Variants in KIT observed in about 807,000 individuals in gnomAD.
KIT encodes the protein mast/stem cell growth factor receptor Kit.
Under a neutral mutation model 105.7 loss-of-function variants are expected in KIT, and 16 were observed. That is an observed-to-expected ratio of 0.15 (90% CI 0.10 to 0.23). The LOEUF (loss-of-function observed/expected upper bound fraction) is 0.23. KIT is among the 10% of genes least tolerant of loss of function. The pLI, the probability that KIT is intolerant of heterozygous loss-of-function variation, is 1.00. For synonymous variants in KIT, 438 were observed against 441.1 expected (o/e 0.99, Z 0.09); for missense variants, 858 against 1,213.8 (o/e 0.71, Z 4.36).
chr4:54,720,519 T>G (rs2109751367), intron 7 of KIT, among the ~76,000 whole-genome samples: 1 of 152,326 alleles, frequency 6.6e-6, no homozygotes, highest in Middle Eastern at 3.4e-3. Context: ...CTGTTCCAAT[T>G]TTTTAATTAA....
Position 54,731,882 on chromosome 4 carries a change from G to C in KIT, c.2245G>C (p.Glu749Gln), listed in dbSNP as rs1560421189. The C allele has an allele frequency of 6.2e-7, 1 of 1,613,382 alleles. No individual in the cohort carries two copies. The highest frequency in any genetic ancestry group is 1.1e-5 in the South Asian group (1 of 91,038). The change falls in exon 16 of 21, where the codon GAA becomes CAA. Residue 749 changes from glutamate (E) to glutamine (Q), a missense_variant. By Grantham distance (29) the Glu-to-Gln change is conservative. Around this residue, in one of 7 missense-constraint regions of KIT, gnomAD observed 158 missense variants for 218.7 expected, o/e 0.72. Coordinates refer to ENST00000288135, the MANE Select transcript of KIT (RefSeq NM_000222.3). ...TCTCTTCCTCACAGGCTCATACATA[G>C]AAAGAGATGTGACTCCCGCCATCAT... Reference protein sequence around the residue: ...RRSVRIGSYIERDVTPAIMED... With the variant: ...RRSVRIGSYIQRDVTPAIMED...
chr4:54,735,581 T>C (rs920058898), intron 17 of KIT, among the ~76,000 whole-genome samples: 2 of 152,156 alleles, frequency 1.3e-5, no homozygotes, highest in Non-Finnish European at 2.9e-5. Flanking sequence ...GTACTTGCCT[T>C]TCTTCTAGGC....
At chr4:54,706,217 A>G (rs1216947434) in intron 5 of KIT, among the ~76,000 whole-genome samples, 2 of 132,998 alleles carry the variant, frequency 1.5e-5, no homozygotes, top group African/African-American at 4.9e-5. Flanking sequence ...TAATCAAGGA[A>G]TAGATAATTT....
At chr4:54,685,527 G>T (rs560598964) in intron 1 of KIT, among the ~76,000 whole-genome samples, 70 of 152,038 alleles carry the variant, frequency 4.6e-4, no homozygotes, top group African/African-American at 1.7e-3. Context: ...TTTCTGGGTC[G>T]CTGACTGGTT....
At chr4:54,662,572 AT>A (rs1229941513) in intron 1 of KIT, among the ~76,000 whole-genome samples, 1 of 152,002 alleles carries the variant, frequency 6.6e-6, no homozygotes, top group Non-Finnish European at 1.5e-5. Context: ...TTAGAAAGGC[AT>A]TTTTTTTGTT....
At chr4:54,659,489 G>A (rs948388135) in intron 1 of KIT, among the ~76,000 whole-genome samples, 4 of 152,024 alleles carry the variant, frequency 2.6e-5, no homozygotes, top group Non-Finnish European at 5.9e-5. Flanking sequence ...CGCAATGAAC[G>A]GTTTTGAGAC....
intron 1 of KIT, among the ~76,000 whole-genome samples, chr4:54,678,290 C>CTCCTTCCTTCCTTCCTTCCTTCCTTCCT (rs55800200): frequency 9.8e-6 from 1 of 101,592 alleles, no homozygotes; most frequent in Non-Finnish European, 1.9e-5. Flanking sequence ...GGCTGGCTCG[C>CTCCTTCCTTCCTTCCTTCCTTCCTTCCT]TCCTTCCTTC....
chr4:54,690,806 T>C (rs1420370122), intron 1 of KIT, among the ~76,000 whole-genome samples: 1 of 152,158 alleles, frequency 6.6e-6, no homozygotes, highest in Non-Finnish European at 1.5e-5. Flanking sequence ...CTCTACTCTT[T>C]TAAAAAAAAC....
intron 2 of KIT, among the ~76,000 whole-genome samples, chr4:54,698,004 G>A (rs1382397375): frequency 6.6e-6 from 1 of 152,152 alleles, no homozygotes; most frequent in Non-Finnish European, 1.5e-5. Flanking sequence ...TTTCATCTAT[G>A]AAATGGCAAT....
intron 7 of KIT, among the ~76,000 whole-genome samples, chr4:54,718,977 G>A (rs1409561032): frequency 6.6e-6 from 1 of 152,162 alleles, no homozygotes; most frequent in Non-Finnish European, 1.5e-5. Context: ...TATGGCACAA[G>A]TGTAGGTTTT....
intron 7 of KIT, among the ~76,000 whole-genome samples, chr4:54,710,291 A>G (rs1157157707): frequency 1.3e-5 from 2 of 152,132 alleles, no homozygotes; most frequent in Admixed American, 6.5e-5. Context: ...TGCCTCCCAC[A>G]CCATACCTGC....
At chr4:54,716,710 G>A (rs1176620621) in intron 7 of KIT, among the ~76,000 whole-genome samples, 1 of 152,170 alleles carries the variant, frequency 6.6e-6, no homozygotes, top group Non-Finnish European at 1.5e-5. Context: ...CTGAAATGAT[G>A]TGACTGAATT....
intron 20 of KIT, 51 bp from the exon 21 acceptor site, chr4:54,738,378 C>G (rs1723045961): frequency 6.2e-7 from 1 of 1,606,116 alleles, no homozygotes; most frequent in Non-Finnish European, 8.5e-7. Context: ...CCTTTTGTTG[C>G]TATGTTCGTT....
In KIT at chr4:54,695,610, C is replaced by A. The variant is rs1060504651; in HGVS notation, c.166C>A (p.Leu56Met). The A allele has an allele frequency of 6.2e-7, 1 of 1,614,082 alleles. No homozygotes were observed. The highest frequency in any genetic ancestry group is 8.5e-7 in the Non-Finnish European group (1 of 1,180,044). ...LIVRVGDEIR[L>M]LCTDPGFVKW... is the part of the protein sequence containing the mutation. ...AGTCCGCGTGGGCGACGAGATTAGG[C>A]TGTTATGCACTGATCCGGGCTTTGT... The change falls in exon 2 of 21, where the codon CTG becomes ATG. Residue 56 changes from leucine (L) to methionine (M), a missense_variant. Physicochemically the swap from Leu to Met is conservative, Grantham distance 15. Transcript: ENST00000288135.
chr4:54,737,077 A>G (rs1180899013), intron 19 of KIT, 98 bp from the exon 20 acceptor site: 9 of 813,890 alleles, frequency 1.1e-5, no homozygotes, highest in Non-Finnish European at 1.7e-5. Context: ...GTCCAGTTGC[A>G]TAGCCCTGGA....
At chr4:54,675,045 AATC>A (rs1718372388) in intron 1 of KIT, among the ~76,000 whole-genome samples, 1 of 152,174 alleles carries the variant, frequency 6.6e-6, no homozygotes, top group African/African-American at 2.4e-5. Flanking sequence ...CTCTAATTAT[AATC>A]ATTTCTGGAA....
intron 1 of KIT, among the ~76,000 whole-genome samples, chr4:54,681,442 A>G (rs1718910538): frequency 6.6e-6 from 1 of 152,154 alleles, no homozygotes; most frequent in Non-Finnish European, 1.5e-5. Context: ...ATAATGGCAG[A>G]GAAAGGTTTC....
chr4:54,688,263 A>T (rs1719457106), intron 1 of KIT, among the ~76,000 whole-genome samples: 1 of 152,134 alleles, frequency 6.6e-6, no homozygotes, highest in Non-Finnish European at 1.5e-5. Context: ...GTTTATTCCT[A>T]TGGGGATATA....
rs748588125 is a variant in KIT at position 54,736,749 on chromosome 4, C to T, written c.2625C>T (p.Val875=). The stretch of plus-strand genomic sequence containing the variant: ...GCAGCCCCTATCCTGGAATGCCGGT[C>T]GATTCTAAGTTCTACAAGATGATCA... ...LGSSPYPGMP[V]DSKFYKMIKE... is the part of the protein sequence containing the mutation. The change falls in exon 19 of 21, where the codon GTC becomes GTT. Residue 875 remains valine, a synonymous_variant. Transcript: ENST00000288135. 2.2e-5 allele frequency: 36 copies of T among 1,613,984 alleles called. No individual in the cohort carries two copies. Among genetic ancestry groups the T allele is most frequent in the South Asian group, 6.6e-5 (6 of 91,074 alleles).
Sources: gnomAD v4.1 joint callset for allele counts (sites outside exome capture counted in the v4.1 genomes callset) on GRCh38, gnomAD v4.1.1 for gene constraint, gnomAD v4.1.1 regional missense constraint, MANE v1.5 for transcripts, NCBI Gene and HGNC (gene_info 2026-07-23, HGNC 2026-07-21) for gene names.